Variants in MORN3 observed in about 807,000 individuals in gnomAD.
MORN3 encodes MORN repeat containing 3.
In MORN3, 38 loss-of-function variants were observed where a neutral mutation model predicts 34.7. The ratio of observed to expected loss-of-function variants is 1.10; its 90% CI spans 0.85 to 1.44. The LOEUF (loss-of-function observed/expected upper bound fraction) is 1.44. Ranked by LOEUF, MORN3 falls within the 40% of genes most tolerant of loss-of-function variation. MORN3 has a pLI of 0.00. For missense variants in MORN3, 311 were observed against 321.7 expected (o/e 0.97, Z 0.25); for synonymous variants, 109 against 115.3 (o/e 0.95, Z 0.35).
At chr12:121,660,355 C>CTTT (rs200327265) in intron 1 of MORN3, among the ~76,000 whole-genome samples, 26,698 of 128,398 alleles carry the variant, frequency 0.21, 3,307 homozygotes, top group African/African-American at 0.26. Flanking sequence ...TTCTTTCTTT[C>CTTT]TTTTTTTTTT....
chr12:121,660,243 C>T (rs2954115), intron 1 of MORN3, among the ~76,000 whole-genome samples: 3 of 150,924 alleles, frequency 2.0e-5, no homozygotes, highest in African/African-American at 7.4e-5. Flanking sequence ...GGGAGACGAG[C>T]GAAACTCCAT....
chr12:121,661,163 T>TG (rs1373947575), intron 1 of MORN3, among the ~76,000 whole-genome samples: 1 of 152,142 alleles, frequency 6.6e-6, no homozygotes, highest in Non-Finnish European at 1.5e-5. Context: ...CTCTCTATGT[T>TG]GCCCAGGCTG....
At chr12:121,670,340 A>G (rs1218492478), upstream of MORN3, among the ~76,000 whole-genome samples, 1 of 152,156 alleles carries the variant, frequency 6.6e-6, no homozygotes, top group Non-Finnish European at 1.5e-5. Context: ...TTCTTCTCCC[A>G]TTTCCAAATA....
upstream of MORN3, among the ~76,000 whole-genome samples, chr12:121,669,859 TTTTA>T (rs895360071): frequency 1.1e-4 from 16 of 144,352 alleles, 1 homozygote; most frequent in African/African-American, 3.0e-4. Flanking sequence ...TTCTAAATAT[TTTTA>T]TTTATTTATG....
intron 2 of MORN3, among the ~76,000 whole-genome samples, chr12:121,658,850 T>C (rs1371414934): frequency 1.3e-5 from 2 of 152,022 alleles, no homozygotes; most frequent in East Asian, 3.9e-4. Context: ...AGAAAGGGGA[T>C]TCTCAGAAAG....
chr12:121,669,220 G>A (rs545150485), intron 1 of MORN3, 119 bp downstream of exon 1: 2 of 1,374,660 alleles, frequency 1.5e-6, no homozygotes, highest in Non-Finnish European at 2.0e-6. Flanking sequence ...CGCTCACCCT[G>A]GGGGAGCCTT....
chr12:121,670,227 C>T (rs1280226954), upstream of MORN3, among the ~76,000 whole-genome samples: 1 of 151,910 alleles, frequency 6.6e-6, no homozygotes, highest in East Asian at 1.9e-4. Context: ...ACAATCACAC[C>T]TAGGAGTAGG....
At chr12:121,656,740 C>T (rs1043388287) in intron 2 of MORN3, among the ~76,000 whole-genome samples, 7 of 152,120 alleles carry the variant, frequency 4.6e-5, no homozygotes, top group African/African-American at 1.2e-4. Context: ...AGGCTAGTCT[C>T]GAACTCCTGA....
intron 1 of MORN3, among the ~76,000 whole-genome samples, chr12:121,667,781 T>G (rs536130295): frequency 3.2e-4 from 48 of 151,296 alleles, no homozygotes; most frequent in African/African-American, 1.2e-3. Context: ...TGGAGTGCAG[T>G]GGCGAGATCT....
intron 1 of MORN3, among the ~76,000 whole-genome samples, chr12:121,667,716 GTCTTTTTTTTTT>G (rs1410072021): frequency 6.7e-6 from 1 of 149,420 alleles, no homozygotes; most frequent in African/African-American, 2.5e-5. Context: ...TCTCCTCCAA[GTCTTTTTTTTTT>G]TCTTTTTTTT....
rs560427633 is a variant in MORN3, at chr12:121,656,241, T to A, written c.304-1808A>T. 2.0e-5 allele frequency among the ~76,000 whole-genome samples: 3 copies of A among 152,214 alleles called. No individual in the cohort carries two copies. In the East Asian group the frequency reaches 5.8e-4, roughly 29 times the overall value. On this transcript the variant is annotated intron_variant, in intron 2 of 5. Coordinates refer to ENST00000355329, the MANE Select transcript of MORN3 (RefSeq NM_173855.5). ...TTTACATCTCGTTCCCTTTGCTATT[T>A]TTTTGCCTCCCATCTTTCTCCCTTT...
At chr12:121,668,242 G>T (rs1191242508) in intron 1 of MORN3, among the ~76,000 whole-genome samples, 3 of 150,918 alleles carry the variant, frequency 2.0e-5, no homozygotes, top group Non-Finnish European at 4.4e-5. Context: ...GAGCAGGATG[G>T]TTAAGAGCAC....
intron 1 of MORN3, among the ~76,000 whole-genome samples, chr12:121,660,355 C>CTTTCT (rs752120275): frequency 8.5e-5 from 11 of 128,772 alleles, no homozygotes; most frequent in African/African-American, 3.0e-4. Flanking sequence ...TTCTTTCTTT[C>CTTTCT]TTTTTTTTTT....
chr12:121,666,560 A>G (rs1337707625), intron 1 of MORN3, among the ~76,000 whole-genome samples: 1 of 152,108 alleles, frequency 6.6e-6, no homozygotes, highest in Admixed American at 6.6e-5. Context: ...TGTCACTAAG[A>G]TGCTGGCAGC....
intron 1 of MORN3, among the ~76,000 whole-genome samples, chr12:121,661,971 A>G (rs2136877687): frequency 6.6e-6 from 1 of 152,008 alleles, no homozygotes. Context: ...GACAACATGG[A>G]TGAATCTGGA....
chr12:121,665,755 A>C (rs1296153073), intron 1 of MORN3, among the ~76,000 whole-genome samples: 4 of 116,058 alleles, frequency 3.4e-5, no homozygotes, highest in Admixed American at 2.2e-4. Context: ...ACAGAATGAG[A>C]CTCTGTCTCA....
intron 2 of MORN3, among the ~76,000 whole-genome samples, chr12:121,658,007 T>G (rs1243257991): frequency 1.3e-5 from 2 of 152,050 alleles, no homozygotes; most frequent in Non-Finnish European, 2.9e-5. Flanking sequence ...CAGCTTTGAC[T>G]CCCTATGATT....
chr12:121,655,957 G>C (rs1555325655), intron 2 of MORN3, among the ~76,000 whole-genome samples: 2 of 152,094 alleles, frequency 1.3e-5, no homozygotes, highest in South Asian at 2.1e-4. Flanking sequence ...CGTGAACCAG[G>C]AGGCGGAGCT....
chr12:121,656,801 G>T (rs1463940132), intron 2 of MORN3, among the ~76,000 whole-genome samples: 1 of 152,152 alleles, frequency 6.6e-6, no homozygotes, highest in Non-Finnish European at 1.5e-5. Flanking sequence ...GATTACAGGC[G>T]TGAGCCATTG....
Sources: gnomAD v4.1 joint callset for allele counts (sites outside exome capture counted in the v4.1 genomes callset) on GRCh38, gnomAD v4.1.1 for gene constraint, MANE v1.5 for transcripts, NCBI Gene and HGNC (gene_info 2026-07-23, HGNC 2026-07-21) for gene names.